TNKS: variants seen among roughly 807,000 people sequenced by gnomAD.
TNKS encodes poly [ADP-ribose] polymerase tankyrase-1.
A neutral mutation model predicts 135.8 loss-of-function variants in TNKS; 72 were observed. That is an observed-to-expected ratio of 0.53 (90% confidence interval 0.44 to 0.64). TNKS has a LOEUF of 0.64. Ranked by LOEUF, TNKS falls within the 30% of genes least tolerant of loss-of-function variation. The probability of loss-of-function intolerance (pLI) is 0.00; values close to 1 mark genes in which losing one functional copy is unlikely to be tolerated. For synonymous variants in TNKS, 849 were observed against 649.3 expected (o/e 1.31, Z -4.68); for missense variants, 1,769 against 1,674.0 (o/e 1.06, Z -0.99).
intron 1 of TNKS, among the ~76,000 whole-genome samples, chr8:9,576,139 G>T (rs1797935338): frequency 6.6e-6 from 1 of 152,102 alleles, no homozygotes; most frequent in Non-Finnish European, 1.5e-5. Context: ...GCTTAATTAG[G>T]ATTCCTCCTC....
At chr8:9,696,882 C>T (rs1481580737) in intron 5 of TNKS, among the ~76,000 whole-genome samples, 1 of 152,136 alleles carries the variant, frequency 6.6e-6, no homozygotes, top group Non-Finnish European at 1.5e-5. Flanking sequence ...CTGCCCAAAG[C>T]AGTTTACAGG....
At chr8:9,740,401 C>T (rs1177348941) in intron 17 of TNKS, among the ~76,000 whole-genome samples, 1 of 152,202 alleles carries the variant, frequency 6.6e-6, no homozygotes, top group Non-Finnish European at 1.5e-5. Context: ...ACCAACCCAA[C>T]CACCTTGATT....
intron 17 of TNKS, among the ~76,000 whole-genome samples, chr8:9,744,219 T>C (rs1230481905): frequency 6.6e-6 from 1 of 152,242 alleles, no homozygotes; most frequent in Non-Finnish European, 1.5e-5. Context: ...CCTTGTGTTA[T>C]ATTTGAATAC....
chr8:9,765,247 T>C (rs1807365904), intron 23 of TNKS, among the ~76,000 whole-genome samples: 1 of 152,182 alleles, frequency 6.6e-6, no homozygotes. Context: ...TACAAAGGGG[T>C]ATCATAAAGA....
intron 15 of TNKS, 145 bp downstream of exon 15, chr8:9,733,589 T>C (rs370647145): frequency 3.0e-6 from 2 of 673,464 alleles, no homozygotes; most frequent in African/African-American, 1.8e-5. Flanking sequence ...GAAGACCGTT[T>C]ATGTGATATG....
chr8:9,720,284 A>T, intron 11 of TNKS, 90 bp from the exon 12 acceptor site: 1 of 1,154,950 alleles, frequency 8.7e-7, no homozygotes, highest in East Asian at 2.9e-5. Flanking sequence ...TTGAAAGTTG[A>T]TTTTTTTTTC....
At chr8:9,717,072 A>ATATATATATATATAT (rs376229840) in intron 11 of TNKS, among the ~76,000 whole-genome samples, 1,663 of 79,318 alleles carry the variant, frequency 0.021, 234 homozygotes, top group African/African-American at 0.039. Context: ...GTTGTATTAT[A>ATATATATATATATAT]ATATATATAT....
chr8:9,681,048 T>C lies in TNKS; in HGVS notation c.1107+248T>C, dbSNP rs1335538806. On this transcript the variant is annotated intron_variant, in intron 5 of 26. Coordinates refer to ENST00000310430, the MANE Select transcript of TNKS (RefSeq NM_003747.3). ...CAGCAAGTTATTTGTTACATGAAAC[T>C]GCAGTTTTGTCGGTGATTAAAATTA... 6 of 332,602 alleles carry C rather than the reference T, an allele frequency of 1.8e-5. No individual in the cohort carries two copies. The South Asian group carries it at 5.4e-4, about 30-fold the overall frequency. The allele number at this position is 332,602 out of a possible 1,614,324, so 20.6% of individuals were successfully genotyped here. A position where few individuals can be genotyped will look rare whatever the true frequency, so the allele number is the denominator to read the frequency against.
chr8:9,620,969 G>T (rs1299803689), intron 3 of TNKS, among the ~76,000 whole-genome samples: 1 of 152,286 alleles, frequency 6.6e-6, no homozygotes, highest in East Asian at 1.9e-4. Context: ...AAATAAATAT[G>T]TCTAAGGTCC....
At chr8:9,758,639 C>G (rs1351719785) in intron 20 of TNKS, among the ~76,000 whole-genome samples, 1 of 152,194 alleles carries the variant, frequency 6.6e-6, no homozygotes, top group Non-Finnish European at 1.5e-5. Flanking sequence ...CTGCAGTAAA[C>G]TGTCCAACAG....
intron 3 of TNKS, among the ~76,000 whole-genome samples, chr8:9,639,710 A>G (rs2128775924): frequency 6.6e-6 from 1 of 152,284 alleles, no homozygotes; most frequent in South Asian, 2.1e-4. Flanking sequence ...AGCAACTGTG[A>G]TGAGTTCTTG....
intron 3 of TNKS, among the ~76,000 whole-genome samples, chr8:9,653,622 C>T (rs1563143909): frequency 6.6e-6 from 1 of 152,028 alleles, no homozygotes; most frequent in Non-Finnish European, 1.5e-5. Flanking sequence ...TGAGGGAGAA[C>T]TCACTTCTAC....
At chr8:9,598,665 C>A (rs1206870669) in intron 2 of TNKS, among the ~76,000 whole-genome samples, 3 of 149,386 alleles carry the variant, frequency 2.0e-5, no homozygotes, top group African/African-American at 7.4e-5. Context: ...CATGCCACTG[C>A]AGTCTAGCCT....
intron 2 of TNKS, among the ~76,000 whole-genome samples, chr8:9,604,472 T>C (rs1485118532): frequency 6.6e-6 from 1 of 152,126 alleles, no homozygotes; most frequent in Non-Finnish European, 1.5e-5. Context: ...GGAAATGGAA[T>C]TGTAATTAAG....
intron 3 of TNKS, among the ~76,000 whole-genome samples, chr8:9,638,364 C>A (rs1414518484): frequency 6.6e-6 from 1 of 152,142 alleles, no homozygotes; most frequent in Non-Finnish European, 1.5e-5. Flanking sequence ...TACCTTGGGC[C>A]AAATGTTATG....
intron 5 of TNKS, among the ~76,000 whole-genome samples, chr8:9,682,859 C>T (rs61515500): frequency 0.028 from 4,232 of 151,728 alleles, 138 homozygotes; most frequent in African/African-American, 0.082. Flanking sequence ...TGAGGGAGAA[C>T]CGTATAATTT....
chr8:9,606,574 C>T (rs1799228685), intron 2 of TNKS, among the ~76,000 whole-genome samples: 1 of 152,090 alleles, frequency 6.6e-6, no homozygotes, highest in African/African-American at 2.4e-5. Context: ...CTTCTTAAGA[C>T]CATACTTTCC....
chr8:9,717,101 A>ATATATATATATATTTTTTTTTTTT (rs1454492300), intron 11 of TNKS, among the ~76,000 whole-genome samples: 2 of 119,322 alleles, frequency 1.7e-5, no homozygotes, highest in African/African-American at 5.8e-5. Context: ...ATATATATAT[A>ATATATATATATATTTTTTTTTTTT]TTTTCAGGGA....
At chr8:9,592,376 C>G (rs551966555) in intron 2 of TNKS, among the ~76,000 whole-genome samples, 64 of 152,202 alleles carry the variant, frequency 4.2e-4, no homozygotes, top group African/African-American at 1.4e-3. Context: ...TAGTAGAATT[C>G]TCATACTTTT....
Sources: allele counts gnomAD v4.1 joint callset (sites outside exome capture counted in the v4.1 genomes callset), GRCh38; gene constraint gnomAD v4.1.1; transcripts MANE v1.5; gene names NCBI Gene and HGNC (gene_info 2026-07-23, HGNC 2026-07-21).